Variants in LRP12 observed in about 807,000 individuals in gnomAD.
LRP12 encodes the protein low-density lipoprotein receptor-related protein 12.
LRP12 carries 14 observed loss-of-function variants against 66.0 expected under a neutral mutation model. That is an observed-to-expected ratio of 0.21 (90% CI 0.14 to 0.33). LRP12 has a LOEUF of 0.33. Ranked by LOEUF, LRP12 falls within the 10% of genes least tolerant of loss-of-function variation. The pLI, the probability that LRP12 is intolerant of heterozygous loss-of-function variation, is 1.00. For missense variants in LRP12, 889 were observed against 1,053.4 expected (o/e 0.84, Z 2.16); for synonymous variants, 357 against 359.1 (o/e 0.99, Z 0.07).
chr8:104,531,992 T>C (rs1811330994), intron 1 of LRP12, 29 bp from the exon 2 acceptor site: 2 of 1,476,108 alleles, frequency 1.4e-6, no homozygotes, highest in Non-Finnish European at 1.8e-6. Context: ...AATAAACTAA[T>C]ATCCAAGATA....
At chr8:104,516,171 A>C (rs1381649537) in intron 2 of LRP12, among the ~76,000 whole-genome samples, 3 of 152,158 alleles carry the variant, frequency 2.0e-5, no homozygotes, top group South Asian at 4.1e-4. Context: ...ACTTTTTATA[A>C]ATTTTCTATA....
chr8:104,541,678 C>T (rs1811479930), intron 1 of LRP12, among the ~76,000 whole-genome samples: 1 of 152,102 alleles, frequency 6.6e-6, no homozygotes, highest in African/African-American at 2.4e-5. Context: ...TTCCCCACAT[C>T]CCCTAGCAAC....
At chr8:104,567,661 T>C (rs1342557813) in intron 1 of LRP12, among the ~76,000 whole-genome samples, 1 of 152,214 alleles carries the variant, frequency 6.6e-6, no homozygotes, top group Non-Finnish European at 1.5e-5. Flanking sequence ...AGAAAAAGTA[T>C]ATTCATATGC....
intron 1 of LRP12, among the ~76,000 whole-genome samples, chr8:104,546,853 ATTCTTATAATTATTC>A (rs11269520): frequency 0.8 from 111,097 of 138,308 alleles, 45,269 homozygotes; most frequent in African/African-American, 0.92. Flanking sequence ...GGCCCTCTTC[ATTCTTATAATTATTC>A]TTCTTATAAT....
At chr8:104,519,728 T>C (rs190239373) in intron 2 of LRP12, among the ~76,000 whole-genome samples, 9 of 152,152 alleles carry the variant, frequency 5.9e-5, no homozygotes, top group Non-Finnish European at 1.0e-4. Flanking sequence ...CTTAGGACTC[T>C]CATTACTCTG....
intron 2 of LRP12, among the ~76,000 whole-genome samples, chr8:104,514,937 C>G (rs1158730934): frequency 6.6e-6 from 1 of 152,096 alleles, no homozygotes; most frequent in Admixed American, 6.6e-5. Flanking sequence ...TGTGTTCAGG[C>G]TAAGTGAGAA....
intron 1 of LRP12, among the ~76,000 whole-genome samples, chr8:104,587,789 T>C (rs1812357163): frequency 1.3e-5 from 2 of 152,234 alleles, no homozygotes; most frequent in Non-Finnish European, 2.9e-5. Flanking sequence ...AATTAGACTT[T>C]TTATAAGTAA....
At chr8:104,538,836 G>A (rs58509923) in intron 1 of LRP12, among the ~76,000 whole-genome samples, 3,362 of 152,056 alleles carry the variant, frequency 0.022, 109 homozygotes, top group African/African-American at 0.075. Context: ...TAGCAACTAC[G>A]TTTTTTATTT....
intron 1 of LRP12, among the ~76,000 whole-genome samples, chr8:104,564,499 A>G (rs1030199860): frequency 3.3e-5 from 5 of 152,144 alleles, no homozygotes; most frequent in Admixed American, 2.0e-4. Context: ...TGAGGAAAGG[A>G]CCTACAATTC....
intron 1 of LRP12, among the ~76,000 whole-genome samples, chr8:104,549,400 C>CTTTTTT (rs66644217): frequency 1.1e-4 from 13 of 116,688 alleles, no homozygotes; most frequent in African/African-American, 2.9e-4. Flanking sequence ...TCTGAATCCA[C>CTTTTTT]TTTTTTTTTT....
chr8:104,519,291 C>T (rs73295125), intron 2 of LRP12, among the ~76,000 whole-genome samples: 1,846 of 152,074 alleles, frequency 0.012, 36 homozygotes, highest in African/African-American at 0.041. Flanking sequence ...TGGAAGGGGA[C>T]AGAGATTGAA....
chr8:104,564,003 T>C (rs1811955947), intron 1 of LRP12, among the ~76,000 whole-genome samples: 1 of 152,218 alleles, frequency 6.6e-6, no homozygotes. Flanking sequence ...GTTACAAGAA[T>C]GAGTGTATAC....
chr8:104,557,305 A>C (rs1328579295), intron 1 of LRP12, among the ~76,000 whole-genome samples: 1 of 152,162 alleles, frequency 6.6e-6, no homozygotes, highest in African/African-American at 2.4e-5. Context: ...CAAGAGACAA[A>C]GGGCATCCAA....
chr8:104,505,843 T>A (rs1324929917), intron 3 of LRP12: 7 of 152,188 alleles, frequency 4.6e-5, no homozygotes, highest in Admixed American at 3.9e-4. Flanking sequence ...AAAGTCCAAG[T>A]AAGAATATTC....
At chr8:104,550,180 A>G (rs1443771572) in intron 1 of LRP12, among the ~76,000 whole-genome samples, 1 of 152,142 alleles carries the variant, frequency 6.6e-6, no homozygotes, top group Non-Finnish European at 1.5e-5. Flanking sequence ...TCTAAAATAG[A>G]TACTATTCCA....
In LRP12 at chr8:104,497,531, G is replaced by C; in HGVS notation, c.1021C>G (p.Leu341Val). Residue 341 changes from leucine (L) to valine (V), a missense_variant, in exon 5 of 7, where the codon CTT becomes GTT. Leu to Val is a conservative substitution (Grantham distance 32). Coordinates refer to ENST00000276654, the MANE Select transcript of LRP12 (RefSeq NM_013437.5). This position sits in a 1 kb window ranked among gnomAD's most constrained non-coding sequence, Gnocchi z 4.3. ...TGTCCAGAAGAAGAAACAACTGTAA[G>C]AGGTGCATGAGAATCAAAAGCTGTC... is the stretch of plus-strand genomic sequence containing the variant. ...VLTAFDSHAP[L>V]TVVSSSGQIR... The C allele has an allele frequency of 1.9e-6, 3 of 1,613,892 alleles. No individual in the cohort carries two copies. Among genetic ancestry groups the C allele is most frequent in the Non-Finnish European group, 2.5e-6 (3 of 1,179,964 alleles).
At chr8:104,505,047 T>C (rs547266036) in intron 3 of LRP12, 1 of 152,232 alleles carries the variant, frequency 6.6e-6, no homozygotes, top group Non-Finnish European at 1.5e-5. Flanking sequence ...AGACTAAGTC[T>C]CATTCTTCCA....
At chr8:104,564,079 T>C (rs1404400041) in intron 1 of LRP12, among the ~76,000 whole-genome samples, 1 of 152,228 alleles carries the variant, frequency 6.6e-6, no homozygotes, top group African/African-American at 2.4e-5. Flanking sequence ...CTATACTATA[T>C]TGTAACTACT....
At chr8:104,525,393 T>G (rs1811218123) in intron 2 of LRP12, among the ~76,000 whole-genome samples, 1 of 152,094 alleles carries the variant, frequency 6.6e-6, no homozygotes, top group African/African-American at 2.4e-5. Flanking sequence ...AGGCAAAGAT[T>G]TATCTTTCCT....
Sources: allele counts gnomAD v4.1 joint callset (sites outside exome capture counted in the v4.1 genomes callset), GRCh38; gene constraint gnomAD v4.1.1; non-coding constraint Gnocchi (gnomAD v3.1); transcripts MANE v1.5; gene names NCBI Gene and HGNC (gene_info 2026-07-23, HGNC 2026-07-21).